CMIP: variants seen among roughly 807,000 people sequenced by gnomAD.
CMIP encodes the protein c-Maf inducing protein, also known as C-Maf-inducing protein.
In CMIP, 13 loss-of-function variants were observed where a neutral mutation model predicts 97.3. The observed-to-expected ratio is 0.13, with a 90% CI of 0.09 to 0.21. CMIP has a LOEUF of 0.21. Among genes scored for constraint, CMIP ranks in the 10% least tolerant of loss-of-function variants. The pLI is 1.00. For missense variants in CMIP, 847 were observed against 1,024.9 expected, an observed-to-expected ratio of 0.83 and a Z score of 2.37; for synonymous variants, 538 against 436.3, an observed-to-expected ratio of 1.23 and a Z score of -2.91.
chr16:81,696,287 C>G (rs2151087999), intron 13 of CMIP: 1 of 542,536 alleles, frequency 1.8e-6, no homozygotes, highest in Non-Finnish European at 3.3e-6. Flanking sequence ...CCGCTTCATT[C>G]AGATCAGCCA....
intron 2 of CMIP, among the ~76,000 whole-genome samples, chr16:81,612,347 G>A (rs1478341528): frequency 6.6e-6 from 1 of 152,172 alleles, no homozygotes; most frequent in African/African-American, 2.4e-5. Context: ...TGGGTTCCGG[G>A]ACTCGGCTCT....
intron 1 of CMIP, among the ~76,000 whole-genome samples, chr16:81,560,758 A>G (rs1030260396): frequency 6.6e-6 from 1 of 152,154 alleles, no homozygotes; most frequent in African/African-American, 2.4e-5. Context: ...ATGTTTAGGT[A>G]CACAAATATT....
At chr16:81,489,349 G>A (rs1378709238) in intron 1 of CMIP, among the ~76,000 whole-genome samples, 1 of 152,188 alleles carries the variant, frequency 6.6e-6, no homozygotes, top group African/African-American at 2.4e-5. Flanking sequence ...CCACAGAGGG[G>A]GACTTTACTT....
intron 1 of CMIP, among the ~76,000 whole-genome samples, chr16:81,565,578 C>G (rs2090965235): frequency 6.6e-6 from 1 of 152,192 alleles, no homozygotes; most frequent in South Asian, 2.1e-4. Flanking sequence ...CAGGCAGATG[C>G]TGACTTCTGG....
At chr16:81,686,841 C>T (rs1013827530) in intron 10 of CMIP, among the ~76,000 whole-genome samples, 3 of 152,146 alleles carry the variant, frequency 2.0e-5, no homozygotes, top group Admixed American at 6.5e-5. Flanking sequence ...GCACGCAAAC[C>T]GATACACAGT....
chr16:81,707,117 C>G (rs541299022), intron 20 of CMIP, 33 bp downstream of exon 20: 17 of 1,580,934 alleles, frequency 1.1e-5, no homozygotes, highest in Middle Eastern at 1.7e-4. Flanking sequence ...CTCTCCTCCC[C>G]TCCTTCTTCT....
chr16:81,635,214 G>A (rs1246698896), intron 3 of CMIP, among the ~76,000 whole-genome samples: 1 of 149,270 alleles, frequency 6.7e-6, no homozygotes, highest in African/African-American at 2.5e-5. Flanking sequence ...CCACCCCGTA[G>A]TCTTTAATGT....
chr16:81,678,600 G>C lies in CMIP; in HGVS notation c.1360G>C (p.Gly454Arg). 1 of 1,593,650 alleles carries C rather than the reference G, an allele frequency of 6.3e-7. No individual in the cohort carries two copies. Among genetic ancestry groups the C allele is most frequent in the Non-Finnish European group, 8.6e-7 (1 of 1,167,696 alleles). Residue 454 changes from glycine (G) to arginine (R), a missense_variant, in exon 10 of 21, where the codon GGC becomes CGC. By Grantham distance (125) the Gly-to-Arg change is moderately radical. This residue lies in a region of CMIP where 202 missense variants were observed against 168.7 expected (regional missense o/e 1.20). Transcript: ENST00000537098. ...GGGCCCCCAGGCCGACCGCACGCTC[G>C]GCTGCTACGTGGAAATCCTCAAGCT... Reference protein sequence around the residue: ...ELGPQADRTLGCYVEILKLLS... With the variant: ...ELGPQADRTLRCYVEILKLLS...
intron 1 of CMIP, among the ~76,000 whole-genome samples, chr16:81,471,687 C>T (rs998087649): frequency 6.6e-6 from 1 of 152,210 alleles, no homozygotes; most frequent in Admixed American, 6.5e-5. Context: ...CCTACATAGA[C>T]TCTGTTTCAT....
At chr16:81,668,432 C>G (rs966096866) in intron 7 of CMIP, among the ~76,000 whole-genome samples, 3 of 152,194 alleles carry the variant, frequency 2.0e-5, no homozygotes, top group Non-Finnish European at 4.4e-5. Flanking sequence ...CCAAGCCCCC[C>G]ACTGGGCTGG....
chr16:81,466,083 T>C (rs865866622), intron 1 of CMIP, among the ~76,000 whole-genome samples: 3 of 152,140 alleles, frequency 2.0e-5, no homozygotes, highest in South Asian at 4.1e-4. Context: ...TTTTTTGAGG[T>C]AGGGTCTCGC....
At chr16:81,506,890 G>A (rs1240978990) in intron 1 of CMIP, among the ~76,000 whole-genome samples, 1 of 144,802 alleles carries the variant, frequency 6.9e-6, no homozygotes, top group African/African-American at 2.6e-5. Context: ...GGATGACAGA[G>A]CGAGACTCCG....
At position 81,700,492 on chromosome 16, in the gene CMIP, C is replaced by G. The variant is rs190429430; in HGVS notation, c.1755+691C>G. On this transcript the variant is annotated intron_variant, in intron 15 of 20. Coordinates refer to ENST00000537098, the MANE Select transcript of CMIP (RefSeq NM_198390.3). ...AGGCAGAAGCCATGTCACTTTTTAA[C>G]TTAGCCTCCCTTGGAAGGCAGGCGG... 8.5e-4 allele frequency: 129 copies of G among 152,628 alleles called. 1 individual carries two copies. The highest frequency in any genetic ancestry group is 3.0e-3 in the African/African-American group (124 of 41,586). 9.5% of individuals were successfully genotyped at this position (152,628 alleles called of 1,614,324 possible).
rs1296955908 is a variant in CMIP, at chr16:81,627,942, G to A, written c.477+7016G>A. 3.3e-5 allele frequency among the ~76,000 whole-genome samples: 5 copies of A among 152,140 alleles called. No individual in the cohort carries two copies. The highest frequency in any genetic ancestry group is 9.7e-5 in the African/African-American group (4 of 41,424). ...GGGGAAGCCCACCTGACGGGAAGCT[G>A]AGGGCAGGGCCTGGGTCATGTCCCC... is the stretch of plus-strand genomic sequence containing the variant. On this transcript the variant is annotated intron_variant, in intron 3 of 20. Coordinates refer to ENST00000537098, the MANE Select transcript of CMIP (RefSeq NM_198390.3). This position sits in a 1 kb window ranked among gnomAD's most constrained non-coding sequence, Gnocchi z 4.6.
intron 3 of CMIP, among the ~76,000 whole-genome samples, chr16:81,637,589 A>G (rs920497506): frequency 1.3e-5 from 2 of 152,186 alleles, no homozygotes; most frequent in African/African-American, 4.8e-5. Flanking sequence ...AGAAGCGGAA[A>G]AGAAATTCAA....
chr16:81,506,300 G>C (rs1281779097), intron 1 of CMIP, among the ~76,000 whole-genome samples: 1 of 152,182 alleles, frequency 6.6e-6, no homozygotes, highest in Non-Finnish European at 1.5e-5. Context: ...TTTGGGGTCT[G>C]AGAAGACAGT....
At chr16:81,696,204 G>A in intron 13 of CMIP, 1 of 343,452 alleles carries the variant, frequency 2.9e-6, no homozygotes, top group Non-Finnish European at 5.5e-6. Flanking sequence ...AGGAGAAAGG[G>A]GGCAGGAGAA....
intron 1 of CMIP, among the ~76,000 whole-genome samples, chr16:81,479,599 AT>A (rs1190180536): frequency 6.6e-6 from 1 of 151,870 alleles, no homozygotes; most frequent in Non-Finnish European, 1.5e-5. Context: ...TTAATATAGG[AT>A]TTGTCTTTTT....
At chr16:81,596,497 G>C (rs2091558698) in intron 1 of CMIP, among the ~76,000 whole-genome samples, 2 of 131,810 alleles carry the variant, frequency 1.5e-5, no homozygotes, top group Non-Finnish European at 3.1e-5. Flanking sequence ...ACAGAGAAAG[G>C]CCCTGTCTCA....
Sources: gnomAD v4.1 joint callset for allele counts (sites outside exome capture counted in the v4.1 genomes callset) on GRCh38, gnomAD v4.1.1 for gene constraint, gnomAD v4.1.1 regional missense constraint, Gnocchi (gnomAD v3.1) non-coding constraint, MANE v1.5 for transcripts, NCBI Gene and HGNC (gene_info 2026-07-23, HGNC 2026-07-21) for gene names.